The following CDC14A variants were observed in gnomAD, a reference collection of about 807,000 sequenced individuals.
The protein encoded by CDC14A is dual specificity protein phosphatase CDC14A.
CDC14A carries 53 observed loss-of-function variants against 74.4 expected under a neutral mutation model. The observed-to-expected ratio is 0.71, with a 90% confidence interval of 0.57 to 0.89. CDC14A has a LOEUF of 0.89. Among genes scored for constraint, CDC14A ranks in the 40% least tolerant of loss-of-function variants. The pLI is 0.00. For synonymous variants in CDC14A, 247 were observed against 258.4 expected (o/e 0.96, Z 0.43); for missense variants, 646 against 713.7 (o/e 0.91, Z 1.08).
At chr1:100,498,576 TAA>T (rs1648226400) in intron 14 of CDC14A, among the ~76,000 whole-genome samples, 1 of 152,198 alleles carries the variant, frequency 6.6e-6, no homozygotes, top group Admixed American at 6.5e-5. Flanking sequence ...AATATGTACT[TAA>T]GTCTGCTTTT....
chr1:100,349,773 C>T (rs1650754539), upstream of CDC14A, among the ~76,000 whole-genome samples: 1 of 152,088 alleles, frequency 6.6e-6, no homozygotes, highest in Admixed American at 6.5e-5. Flanking sequence ...AGCCATTCTC[C>T]CGCCTCGGCC....
At chr1:100,357,205 G>C (rs1652035062) in intron 2 of CDC14A, among the ~76,000 whole-genome samples, 1 of 152,118 alleles carries the variant, frequency 6.6e-6, no homozygotes. Context: ...TTAAATTTGG[G>C]AATTTTCCCA....
At chr1:100,423,724 T>C (rs1662625448) in intron 4 of CDC14A, 2 of 155,704 alleles carry the variant, frequency 1.3e-5, no homozygotes, top group Admixed American at 1.2e-4. Context: ...TTTTCACCCA[T>C]TTTATTGTGA....
chr1:100,483,095 A>G (rs1399617880), intron 10 of CDC14A, among the ~76,000 whole-genome samples: 1 of 152,094 alleles, frequency 6.6e-6, no homozygotes, highest in Non-Finnish European at 1.5e-5. Flanking sequence ...ATATTCCTCA[A>G]GATATATACT....
intron 7 of CDC14A, among the ~76,000 whole-genome samples, chr1:100,454,186 G>A (rs957833758): frequency 2.6e-5 from 4 of 151,878 alleles, no homozygotes; most frequent in Non-Finnish European, 4.4e-5. Flanking sequence ...TATTTATTGT[G>A]TTCTTATGGT....
At chr1:100,421,152 A>G (rs970836506) in intron 4 of CDC14A, among the ~76,000 whole-genome samples, 5 of 152,182 alleles carry the variant, frequency 3.3e-5, no homozygotes, top group Non-Finnish European at 7.4e-5. Flanking sequence ...TATTAGTCAA[A>G]AGTTTGGGGA....
intron 2 of CDC14A, among the ~76,000 whole-genome samples, chr1:100,373,949 C>T (rs1418858245): frequency 6.6e-6 from 1 of 152,136 alleles, no homozygotes; most frequent in Admixed American, 6.6e-5. Flanking sequence ...TGCTATCCCT[C>T]CTACCTCCCC....
chr1:100,420,055 C>CCATATATATATATATAT (rs1553180489), intron 4 of CDC14A, among the ~76,000 whole-genome samples: 1 of 21,052 alleles, frequency 4.8e-5, no homozygotes, highest in African/African-American at 1.7e-4. Flanking sequence ...CACACACACA[C>CCATATATATATATATAT]ACACACACAT....
intron 4 of CDC14A, among the ~76,000 whole-genome samples, chr1:100,415,853 G>A (rs762877179): frequency 2.0e-5 from 3 of 152,150 alleles, no homozygotes; most frequent in Admixed American, 6.5e-5. Flanking sequence ...ATGCATTTGA[G>A]AAATGTATAA....
At chr1:100,402,692 C>T (rs1385643034) in intron 4 of CDC14A, among the ~76,000 whole-genome samples, 1 of 152,154 alleles carries the variant, frequency 6.6e-6, no homozygotes, top group Non-Finnish European at 1.5e-5. Flanking sequence ...CAAGATCAAA[C>T]CCAGCTAATG....
rs774484682 is a variant in CDC14A at position 100,391,201 on chromosome 1, G to A, written c.309+377G>A. On this transcript the variant is annotated intron_variant, in intron 4 of 15. Transcript: ENST00000336454. ...AGATTTTAAAAGACTTGACGTGTTC[G>A]TTTTTTGGGAGAAGAGGAAACCTTA... is the stretch of plus-strand genomic sequence containing the variant. 14 of 252,700 alleles carry A rather than the reference G, an allele frequency of 5.5e-5. No individual in the cohort carries two copies. The East Asian group carries it at 8.5e-4, about 15-fold the overall frequency. 15.7% of individuals were successfully genotyped at this position (252,700 alleles called of 1,614,324 possible).
intron 4 of CDC14A, among the ~76,000 whole-genome samples, chr1:100,421,838 T>C (rs1442788005): frequency 1.3e-5 from 2 of 152,204 alleles, no homozygotes; most frequent in East Asian, 1.9e-4. Context: ...TCTAGCCTAG[T>C]CTGTCTCTCT....
intron 2 of CDC14A, among the ~76,000 whole-genome samples, 161 bp downstream of exon 2, chr1:100,354,013 A>G (rs1651526139): frequency 6.6e-6 from 1 of 152,198 alleles, no homozygotes; most frequent in Admixed American, 6.5e-5. Context: ...AAGTTCAGAG[A>G]AAATTGACAG....
At chr1:100,358,041 A>G (rs1265092713) in intron 2 of CDC14A, among the ~76,000 whole-genome samples, 2 of 152,208 alleles carry the variant, frequency 1.3e-5, no homozygotes, top group Non-Finnish European at 2.9e-5. Context: ...AGAACTTATT[A>G]CTATAAAGGC....
At chr1:100,515,639 C>T (rs1650150674) in intron 15 of CDC14A, among the ~76,000 whole-genome samples, 1 of 152,100 alleles carries the variant, frequency 6.6e-6, no homozygotes, top group Non-Finnish European at 1.5e-5. Flanking sequence ...CCCGCCTCGG[C>T]CTCCCAAAGT....
chr1:100,484,201 C>T, intron 10 of CDC14A, 91 bp from the exon 11 acceptor site: 1 of 631,514 alleles, frequency 1.6e-6, no homozygotes. Flanking sequence ...AAATCTTTTC[C>T]TTTATAAGAC....
chr1:100,443,082 G>T, intron 7 of CDC14A, 86 bp downstream of exon 7: 1 of 859,154 alleles, frequency 1.2e-6, no homozygotes. Flanking sequence ...TGCAAATCGA[G>T]TGGGTGCTAA....
intron 7 of CDC14A, among the ~76,000 whole-genome samples, chr1:100,451,736 T>C (rs1259627702): frequency 6.6e-6 from 1 of 152,220 alleles, no homozygotes; most frequent in Non-Finnish European, 1.5e-5. Context: ...GTAATGTGAC[T>C]TTTTCTTTAA....
chr1:100,385,745 C>T (rs929995273), intron 3 of CDC14A, among the ~76,000 whole-genome samples: 18 of 152,072 alleles, frequency 1.2e-4, no homozygotes, highest in Non-Finnish European at 7.4e-5. Flanking sequence ...GTCTGGGAGA[C>T]GTTATGTGTC....
Sources: allele counts gnomAD v4.1 joint callset (sites outside exome capture counted in the v4.1 genomes callset), GRCh38; gene constraint gnomAD v4.1.1; transcripts MANE v1.5; gene names NCBI Gene and HGNC (gene_info 2026-07-23, HGNC 2026-07-21).